RIMS1: variants seen among roughly 807,000 people sequenced by gnomAD.
RIMS1 encodes the protein regulating synaptic membrane exocytosis protein 1.
RIMS1 carries 83 observed loss-of-function variants against 214.1 expected under a neutral mutation model. The ratio of observed to expected loss-of-function variants is 0.39; its 90% CI spans 0.32 to 0.47. RIMS1 has a LOEUF of 0.47. RIMS1 is among the 20% of genes least tolerant of loss of function. RIMS1 has a pLI of 0.99. For synonymous variants in RIMS1, 793 were observed against 786.8 expected (o/e 1.01, Z -0.13); for missense variants, 2,050 against 2,161.8 (o/e 0.95, Z 1.03).
chr6:71,997,392 A>T (rs921921281), intron 2 of RIMS1, among the ~76,000 whole-genome samples: 1 of 152,354 alleles, frequency 6.6e-6, no homozygotes, highest in African/African-American at 2.4e-5. Context: ...AAAATTCAAA[A>T]GGAATGCAAA....
In RIMS1 at chr6:72,399,058, G is replaced by A; in HGVS notation, c.4824G>A (p.Leu1608=). The part of the protein sequence containing the change: ...KTLDPLYQQS[L]VFDESPQGKV... ...TTGATCCTTTGTATCAGCAGTCTCT[G>A]GTTTTTGATGAAAGTCCACAGGGTA... The change falls in exon 33 of 34, where the codon CTG becomes CTA. Residue 1608 remains leucine (L), a synonymous_variant. Transcript: ENST00000521978. 1 of 1,608,124 alleles carries A rather than the reference G, an allele frequency of 6.2e-7. No individual in the cohort carries two copies. Among genetic ancestry groups the A allele is most frequent in the Non-Finnish European group, 8.5e-7 (1 of 1,176,752 alleles).
intron 4 of RIMS1, among the ~76,000 whole-genome samples, chr6:72,106,430 T>C (rs1305251028): frequency 6.6e-6 from 1 of 152,224 alleles, no homozygotes; most frequent in African/African-American, 2.4e-5. Context: ...AAAATGTCTG[T>C]GTCTTTTAAA....
intron 4 of RIMS1, among the ~76,000 whole-genome samples, chr6:72,166,760 A>C (rs113796999): frequency 6.4e-5 from 9 of 141,482 alleles, no homozygotes; most frequent in African/African-American, 2.3e-4. Flanking sequence ...CTGGTGTATG[A>C]AATAAAATTG....
At chr6:71,961,959 A>G (rs953976205) in intron 1 of RIMS1, among the ~76,000 whole-genome samples, 1 of 152,166 alleles carries the variant, frequency 6.6e-6, no homozygotes, top group Non-Finnish European at 1.5e-5. Flanking sequence ...ATCCATAAGT[A>G]AGTAAAGTAA....
chr6:72,178,040 G>A (rs565575023), intron 4 of RIMS1, among the ~76,000 whole-genome samples: 9 of 152,250 alleles, frequency 5.9e-5, no homozygotes, highest in South Asian at 4.2e-4. Context: ...TGAGAATTCC[G>A]TAATATTGGT....
chr6:72,298,800 A>G (rs990237100), intron 26 of RIMS1, among the ~76,000 whole-genome samples: 1 of 151,940 alleles, frequency 6.6e-6, no homozygotes, highest in Admixed American at 6.6e-5. Context: ...TGCAGCATTC[A>G]GTTAAACCTT....
At chr6:71,911,301 C>G (rs937375361) in intron 1 of RIMS1, among the ~76,000 whole-genome samples, 1 of 152,172 alleles carries the variant, frequency 6.6e-6, no homozygotes, top group Admixed American at 6.6e-5. Flanking sequence ...GAGAGCCACA[C>G]AAGAACTGAG....
intron 6 of RIMS1, among the ~76,000 whole-genome samples, chr6:72,198,185 A>G (rs1056193532): frequency 3.9e-5 from 6 of 152,160 alleles, no homozygotes; most frequent in African/African-American, 1.4e-4. Flanking sequence ...CACAATAGCA[A>G]AGATACTGAA....
intron 26 of RIMS1, among the ~76,000 whole-genome samples, chr6:72,300,643 G>A (rs2094517029): frequency 6.6e-6 from 1 of 151,742 alleles, no homozygotes; most frequent in Non-Finnish European, 1.5e-5. Context: ...GGGAGATAGT[G>A]TTCCCTCTCA....
At chr6:72,223,244 T>A (rs974112141) in intron 6 of RIMS1, among the ~76,000 whole-genome samples, 5 of 152,240 alleles carry the variant, frequency 3.3e-5, no homozygotes, top group Admixed American at 2.6e-4. Context: ...TTGGCAAGAC[T>A]CTCAAATAAA....
At chr6:72,006,767 A>G (rs568027710) in intron 2 of RIMS1, among the ~76,000 whole-genome samples, 2 of 152,270 alleles carry the variant, frequency 1.3e-5, no homozygotes, top group African/African-American at 2.4e-5. Flanking sequence ...GGCAGCAGTG[A>G]GGCTGGGGGA....
intron 4 of RIMS1, among the ~76,000 whole-genome samples, chr6:72,135,512 G>A (rs2041141080): frequency 6.6e-6 from 1 of 152,108 alleles, no homozygotes; most frequent in African/African-American, 2.4e-5. Context: ...AGGAAATTTA[G>A]CTACTTATTT....
chr6:72,026,450 G>T (rs1585155836), intron 2 of RIMS1, among the ~76,000 whole-genome samples: 2 of 87,840 alleles, frequency 2.3e-5, no homozygotes, highest in South Asian at 4.5e-4. Context: ...TTCTCCCCCA[G>T]CACCGCCCCC....
intron 4 of RIMS1, among the ~76,000 whole-genome samples, chr6:72,153,075 A>G (rs1055689801): frequency 1.4e-5 from 2 of 143,172 alleles, no homozygotes; most frequent in African/African-American, 2.5e-5. Context: ...CTATGTATAT[A>G]TATGGAATAT....
chr6:72,270,835 C>A (rs548402503), intron 22 of RIMS1, among the ~76,000 whole-genome samples: 2 of 152,206 alleles, frequency 1.3e-5, no homozygotes, highest in Admixed American at 1.3e-4. Flanking sequence ...GCCACTCTTT[C>A]TTCCTTGGGG....
intron 6 of RIMS1, among the ~76,000 whole-genome samples, chr6:72,220,971 T>C (rs1667713349): frequency 6.6e-6 from 1 of 152,026 alleles, no homozygotes; most frequent in Admixed American, 6.6e-5. Flanking sequence ...GATGGAAAAA[T>C]TAAGCACAGA....
At chr6:72,189,080 A>G (rs1167624918) in intron 6 of RIMS1, among the ~76,000 whole-genome samples, 1 of 152,206 alleles carries the variant, frequency 6.6e-6, no homozygotes, top group African/African-American at 2.4e-5. Context: ...AAATTTTGCT[A>G]GTGGGTCTCT....
At chr6:71,920,575 T>G (rs984570216) in intron 1 of RIMS1, among the ~76,000 whole-genome samples, 4 of 152,186 alleles carry the variant, frequency 2.6e-5, no homozygotes, top group Non-Finnish European at 5.9e-5. Context: ...TAGGTAAAAT[T>G]TAATTAGTGG....
At chr6:71,896,091 G>C (rs978654378) in intron 1 of RIMS1, among the ~76,000 whole-genome samples, 3 of 152,074 alleles carry the variant, frequency 2.0e-5, no homozygotes, top group African/African-American at 7.2e-5. Flanking sequence ...CTAGTATCTG[G>C]AATAAAGGGA....
Sources: allele counts gnomAD v4.1 joint callset (sites outside exome capture counted in the v4.1 genomes callset), GRCh38; gene constraint gnomAD v4.1.1; transcripts MANE v1.5; gene names NCBI Gene and HGNC (gene_info 2026-07-23, HGNC 2026-07-21).